Variants in ADAM22 observed in about 807,000 individuals in gnomAD.
ADAM22 encodes the protein ADAM metallopeptidase domain 22, also known as disintegrin and metalloproteinase domain-containing protein 22.
In ADAM22, 65 loss-of-function variants were observed where a neutral mutation model predicts 144.6. The observed-to-expected ratio is 0.45, with a 90% CI of 0.37 to 0.55. The LOEUF (loss-of-function observed/expected upper bound fraction) is 0.55, where lower values mean the gene tolerates loss of function less well. Ranked by LOEUF, ADAM22 falls within the 20% of genes least tolerant of loss-of-function variation. The pLI is 0.00. For synonymous variants in ADAM22, 391 were observed against 412.6 expected (o/e 0.95, Z 0.63); for missense variants, 974 against 1,184.9 (o/e 0.82, Z 2.61).
At chr7:87,989,957 G>A (rs1637487) in intron 3 of ADAM22, among the ~76,000 whole-genome samples, 90,082 of 151,984 alleles carry the variant, frequency 0.59, 27,681 homozygotes, top group African/African-American at 0.76. Context: ...TTCCAATTCA[G>A]TGTATTATTG....
At chr7:88,118,482 T>C (rs1828373529) in intron 7 of ADAM22, among the ~76,000 whole-genome samples, 1 of 152,090 alleles carries the variant, frequency 6.6e-6, no homozygotes, top group Admixed American at 6.5e-5. Context: ...AAAATCCCTA[T>C]TCTGATAAGA....
At chr7:87,955,379 T>C (rs371339984) in intron 2 of ADAM22, among the ~76,000 whole-genome samples, 1 of 152,206 alleles carries the variant, frequency 6.6e-6, no homozygotes, top group East Asian at 1.9e-4. Flanking sequence ...GCAGGTCTGT[T>C]GGAGTTTGCT....
intron 23 of ADAM22, among the ~76,000 whole-genome samples, chr7:88,164,692 G>A (rs749285144): frequency 3.3e-5 from 5 of 152,024 alleles, no homozygotes; most frequent in African/African-American, 7.2e-5. Context: ...AGAATTGTGC[G>A]AAGAAGGAGT....
chr7:88,031,785 G>A (rs1360849052), intron 3 of ADAM22, among the ~76,000 whole-genome samples: 1 of 152,222 alleles, frequency 6.6e-6, no homozygotes, highest in Non-Finnish European at 1.5e-5. Context: ...CCAGGCCCAG[G>A]GTCCCACTGC....
At position 88,153,256 on chromosome 7, in the gene ADAM22, C is replaced by T. The variant is rs1227718785; in HGVS notation, c.1717C>T (p.Leu573=). The T allele has an allele frequency of 1.9e-5, 31 of 1,613,252 alleles. No homozygotes were observed. The highest frequency in any genetic ancestry group is 2.5e-5 in the Non-Finnish European group (29 of 1,179,688). The change falls in exon 21 of 32, where the codon CTG becomes TTG. Residue 573 remains leucine (L), a synonymous_variant. Transcript: ENST00000413139. ...TASDKYCYEK[L]NIEGTEKGNC... ...ATCAGACAAATATTGCTATGAGAAA[C>T]TGAATATTGAAGGGACGGAGAAGGG...
intron 17 of ADAM22, among the ~76,000 whole-genome samples, chr7:88,148,135 C>G (rs1476765071): frequency 1.3e-5 from 2 of 152,074 alleles, no homozygotes; most frequent in African/African-American, 4.8e-5. Context: ...GAGTTCTGAG[C>G]AGCTAGAGAA....
chr7:88,044,748 G>T (rs1185121586), intron 3 of ADAM22, among the ~76,000 whole-genome samples: 1 of 138,738 alleles, frequency 7.2e-6, no homozygotes, highest in Non-Finnish European at 1.5e-5. Flanking sequence ...TTTTTGAGAG[G>T]AAGTCTTGGT....
At chr7:87,956,748 G>A (rs1461134074) in intron 2 of ADAM22, among the ~76,000 whole-genome samples, 1 of 152,042 alleles carries the variant, frequency 6.6e-6, no homozygotes, top group Non-Finnish European at 1.5e-5. Flanking sequence ...ATGTTTTCCA[G>A]TTTCATTCAT....
chr7:87,938,183 CA>C (rs1318627874), intron 2 of ADAM22, among the ~76,000 whole-genome samples: 1 of 140,160 alleles, frequency 7.1e-6, no homozygotes, highest in African/African-American at 2.7e-5. Flanking sequence ...TAATTTATGG[CA>C]TTTTAATTTT....
At chr7:88,170,557 T>C (rs1171832796) in intron 25 of ADAM22, among the ~76,000 whole-genome samples, 1 of 151,972 alleles carries the variant, frequency 6.6e-6, no homozygotes, top group Non-Finnish European at 1.5e-5. Context: ...AATACCAGGC[T>C]TATTTTTCCC....
intron 29 of ADAM22, among the ~76,000 whole-genome samples, chr7:88,184,955 G>A (rs1202723343): frequency 3.3e-5 from 5 of 152,176 alleles, no homozygotes; most frequent in Admixed American, 2.0e-4. Flanking sequence ...GTCTCCTCCC[G>A]GAAGTGGCCG....
intron 2 of ADAM22, among the ~76,000 whole-genome samples, chr7:87,958,542 T>C (rs1637504): frequency 0.53 from 80,881 of 151,684 alleles, 21,894 homozygotes; most frequent in African/African-American, 0.56. Flanking sequence ...CGCACCATCA[T>C]GCCCAGCTAA....
chr7:88,092,943 G>C (rs565973952), intron 4 of ADAM22, among the ~76,000 whole-genome samples: 18 of 129,630 alleles, frequency 1.4e-4, no homozygotes, highest in African/African-American at 4.6e-4. Flanking sequence ...TTTTCTTTCT[G>C]GTATAAGATT....
chr7:87,934,814 T>G, intron 1 of ADAM22: 1 of 705,986 alleles, frequency 1.4e-6, no homozygotes, highest in Non-Finnish European at 2.3e-6. Context: ...GGTGCCCTGC[T>G]TCTGGGCCCC....
chr7:87,978,184 G>A, intron 2 of ADAM22, 152 bp from the exon 3 acceptor site: 1 of 641,818 alleles, frequency 1.6e-6, no homozygotes, highest in Non-Finnish European at 2.6e-6. Flanking sequence ...CTAAGAAGGT[G>A]TAAATTTTAC....
At chr7:88,005,407 C>CT (rs1793568648) in intron 3 of ADAM22, among the ~76,000 whole-genome samples, 1 of 152,154 alleles carries the variant, frequency 6.6e-6, no homozygotes, top group African/African-American at 2.4e-5. Flanking sequence ...ATTTTGGAGG[C>CT]TGCAGGCCCA....
chr7:87,934,715 A>G (rs1584401889), intron 1 of ADAM22, 165 bp downstream of exon 1: 2 of 708,772 alleles, frequency 2.8e-6, no homozygotes, highest in Non-Finnish European at 4.5e-6. Context: ...GAGCAAAAAT[A>G]TATGTGTGGA....
chr7:88,182,878 C>T (rs1259296802), intron 29 of ADAM22, among the ~76,000 whole-genome samples: 3 of 152,144 alleles, frequency 2.0e-5, no homozygotes, highest in Non-Finnish European at 4.4e-5. Context: ...ACTTATTTCT[C>T]ACTCTAGCGA....
chr7:88,042,189 A>G (rs867291391), intron 3 of ADAM22, among the ~76,000 whole-genome samples: 2 of 152,210 alleles, frequency 1.3e-5, no homozygotes, highest in Admixed American at 6.5e-5. Flanking sequence ...TGAATACATC[A>G]GAATCTATTG....
Sources: allele counts gnomAD v4.1 joint callset (sites outside exome capture counted in the v4.1 genomes callset), GRCh38; gene constraint gnomAD v4.1.1; transcripts MANE v1.5; gene names NCBI Gene and HGNC (gene_info 2026-07-23, HGNC 2026-07-21).